RUVBL2: variants seen among roughly 807,000 people sequenced by gnomAD.
RUVBL2 encodes the protein RuvB like AAA ATPase 2, also known as ruvB-like 2.
RUVBL2 carries 9 observed loss-of-function variants against 57.9 expected under a neutral mutation model. That is an observed-to-expected ratio of 0.16 (90% confidence interval 0.09 to 0.27). RUVBL2 has a LOEUF of 0.27. Ranked by LOEUF, RUVBL2 falls within the 10% of genes least tolerant of loss-of-function variation. RUVBL2 has a pLI of 1.00. For synonymous variants in RUVBL2, 278 were observed against 264.6 expected, an observed-to-expected ratio of 1.05 and a Z score of -0.49; for missense variants, 456 against 669.6, an observed-to-expected ratio of 0.68 and a Z score of 3.52.
chr19:48,993,520 GGCCT>G, upstream of RUVBL2: 1 of 438,440 alleles, frequency 2.3e-6, no homozygotes, highest in Non-Finnish European at 4.3e-6. Context: ...GGAAACGAGT[GGCCT>G]TCAGCTCTGT....
Position 49,005,971 on chromosome 19 carries a change from G to A in RUVBL2, c.266-1047G>A, listed in dbSNP as rs563765652. Among the ~76,000 whole-genome samples the A allele has an allele frequency of 4.6e-4, 70 of 152,318 alleles. No homozygotes were observed. The South Asian group carries it at 6.2e-3, about 14-fold the overall frequency. ...GCATGTTGTGACTGTGCCCGGCCTC[G>A]CCTTTCCTCTTCTTGTGTCTCCCGC... On this transcript the variant is annotated intron_variant, in intron 4 of 14. Coordinates refer to ENST00000595090, the MANE Select transcript of RUVBL2 (RefSeq NM_006666.3).
At chr19:49,003,504 G>A (rs546660603) in intron 3 of RUVBL2, among the ~76,000 whole-genome samples, 170 bp downstream of exon 3, 1 of 152,300 alleles carries the variant, frequency 6.6e-6, no homozygotes, top group East Asian at 1.9e-4. Context: ...GAATTGATTA[G>A]GCTAGGTGTG....
At chr19:49,002,934 T>A (rs1600176251) in intron 2 of RUVBL2, among the ~76,000 whole-genome samples, 1 of 152,188 alleles carries the variant, frequency 6.6e-6, no homozygotes, top group East Asian at 1.9e-4. Context: ...ACTGAGAACA[T>A]GTGGGTGCTG....
intron 11 of RUVBL2, among the ~76,000 whole-genome samples, chr19:49,013,118 C>G (rs1270431465): frequency 1.3e-5 from 2 of 152,178 alleles, no homozygotes; most frequent in Non-Finnish European, 2.9e-5. Flanking sequence ...CACCCGCCAC[C>G]ATGCCCAGCT....
intron 6 of RUVBL2, among the ~76,000 whole-genome samples, chr19:49,008,476 C>T (rs951565409): frequency 1.3e-5 from 2 of 150,212 alleles, no homozygotes; most frequent in African/African-American, 2.4e-5. Flanking sequence ...GATCTGCCCG[C>T]CTCGGCCTCC....
At chr19:48,997,418 G>A (rs1478085660) in intron 1 of RUVBL2, among the ~76,000 whole-genome samples, 1 of 152,158 alleles carries the variant, frequency 6.6e-6, no homozygotes, top group Non-Finnish European at 1.5e-5. Flanking sequence ...GAGGTCAGGA[G>A]TTCAAGACCA....
At chr19:49,013,016 T>G (rs2039463587) in intron 11 of RUVBL2, among the ~76,000 whole-genome samples, 1 of 152,220 alleles carries the variant, frequency 6.6e-6, no homozygotes, top group South Asian at 2.1e-4. Flanking sequence ...CAGGCTGGAG[T>G]GCAGTGGCAC....
chr19:49,014,305 C>G (rs560405964), intron 11 of RUVBL2, among the ~76,000 whole-genome samples, 179 bp from the exon 12 acceptor site: 2 of 152,332 alleles, frequency 1.3e-5, no homozygotes, highest in Non-Finnish European at 2.9e-5. Context: ...GGGACTGACG[C>G]AGCTGTGGAA....
In RUVBL2 at chr19:49,011,950, T is replaced by C. The variant is rs957228694; in HGVS notation, c.1001+640T>C. Among the ~76,000 whole-genome samples, 2 of 152,130 alleles carry C rather than the reference T, an allele frequency of 1.3e-5. No homozygotes were observed. Among genetic ancestry groups the C allele is most frequent in the Non-Finnish European group, 2.9e-5 (2 of 68,016 alleles). ...AGGTGTTGCCAGCACCCTGTGTAGC[T>C]GGGATTACGGGCACCTGCCACCATG... On this transcript the variant is annotated intron_variant, in intron 11 of 14. Transcript: ENST00000595090. This position sits in a 1 kb window ranked among gnomAD's most constrained non-coding sequence, Gnocchi z 4.4.
intron 6 of RUVBL2, among the ~76,000 whole-genome samples, chr19:49,009,524 A>G (rs2039362812): frequency 6.6e-6 from 1 of 152,120 alleles, no homozygotes; most frequent in South Asian, 2.1e-4. Flanking sequence ...TAATTGACAT[A>G]CAGAAAGCTG....
At position 49,011,451 on chromosome 19, in the gene RUVBL2, C is replaced by A; in HGVS notation, c.1001+141C>A. ...GTGTGCGCTCTTTGCTTACAAAAGGCGGGTGGGAGGCAGCTCTGCTTCCCG... is the reference window on the plus strand; with the variant it reads ...GTGTGCGCTCTTTGCTTACAAAAGGAGGGTGGGAGGCAGCTCTGCTTCCCG... On this transcript the variant is annotated intron_variant, in intron 11 of 14. Coordinates refer to ENST00000595090, the MANE Select transcript of RUVBL2 (RefSeq NM_006666.3). This position sits in a 1 kb window ranked among gnomAD's most constrained non-coding sequence, Gnocchi z 4.4. 3.0e-6 allele frequency: 2 copies of A among 666,512 alleles called. No individual in the cohort carries two copies. The highest frequency in any genetic ancestry group is 2.6e-5 in the East Asian group (1 of 37,960). 41.3% of individuals were successfully genotyped at this position (666,512 alleles called of 1,614,324 possible).
At chr19:48,993,474 G>A (rs1600159570), upstream of RUVBL2, 12 of 427,866 alleles carry the variant, frequency 2.8e-5, no homozygotes, top group East Asian at 5.4e-4. Context: ...TCGGCCGTGA[G>A]ACCTCCAGGG....
rs758247978 is a variant in RUVBL2, at chr19:49,004,412, G to A, written c.259G>A (p.Ala87Thr). 17 of 1,611,930 alleles carry A rather than the reference G, an allele frequency of 1.1e-5. No individual in the cohort carries two copies. The highest frequency in any genetic ancestry group is 4.5e-5 in the East Asian group (2 of 44,886). Residue 87 changes from alanine to threonine, a missense_variant, in exon 4 of 15, where the codon GCC becomes ACC. Transcript: ENST00000595090. ...GQPGTGKTAI[A>T]MGMAQALGPD... is the part of the protein sequence containing the mutation. The stretch of plus-strand genomic sequence containing the variant: ...GCCGGGCACGGGGAAGACGGCCATC[G>A]CCATGGGTAAGAAACCTCCCAGGGC...
chr19:48,997,310 C>T (rs1266497893), intron 1 of RUVBL2, among the ~76,000 whole-genome samples: 2 of 152,040 alleles, frequency 1.3e-5, no homozygotes, highest in African/African-American at 4.8e-5. Flanking sequence ...AAAGTTCATC[C>T]ACGTTGTAGC....
chr19:48,999,894 C>T (rs139191877), intron 2 of RUVBL2, among the ~76,000 whole-genome samples: 6 of 152,284 alleles, frequency 3.9e-5, no homozygotes, highest in East Asian at 3.9e-4. Context: ...TCACTGGCCC[C>T]GGCTCACACA....
rs2039239140 is a variant in RUVBL2, at chr19:49,004,177, A to G, written c.124-100A>G. On this transcript the variant is annotated intron_variant, in intron 3 of 14. Coordinates refer to ENST00000595090, the MANE Select transcript of RUVBL2 (RefSeq NM_006666.3). ...TTTTTTGGCTTTTCCTAGAAGTCCC[A>G]GCTAGTAATGTCTGCTTCCATCTCA... The G allele has an allele frequency of 6.4e-6, 9 of 1,403,276 alleles. No homozygotes were observed. In the Admixed American group the frequency reaches 1.6e-4, roughly 25 times the overall value. 86.9% of individuals were successfully genotyped at this position (1,403,276 alleles called of 1,614,324 possible).
rs150903921 is a variant in RUVBL2, at chr19:48,997,521, C to T, written c.13-1798C>T. The stretch of plus-strand genomic sequence containing the variant: ...GCGGACACCTGTAATCCCAGCTACT[C>T]GGGAGGCTGAGGCAGAAGAATCACT... On this transcript the variant is annotated intron_variant, in intron 1 of 14. Transcript: ENST00000595090. 9.9e-5 allele frequency among the ~76,000 whole-genome samples: 15 copies of T among 151,030 alleles called. No homozygotes were observed. The East Asian group carries it at 1.8e-3, about 18-fold the overall frequency.
chr19:49,010,211 A>G (rs1356867683), intron 8 of RUVBL2, 145 bp downstream of exon 8: 1 of 822,366 alleles, frequency 1.2e-6, no homozygotes, highest in East Asian at 2.7e-5. Flanking sequence ...CTGTAACCCT[A>G]GGACAGCAGG....
rs748049682 is a variant in RUVBL2, at chr19:49,015,557, G to T, written c.1252-15G>T. ...CGGAGAGGGGCCCAACTGAGGACTCGCCCTCCCCCTCCAGGGTACAGAAGT... is the reference window on the plus strand; with the variant it reads ...CGGAGAGGGGCCCAACTGAGGACTCTCCCTCCCCCTCCAGGGTACAGAAGT... On this transcript the variant is annotated splice_polypyrimidine_tract_variant and intron_variant, in intron 13 of 14. Transcript: ENST00000595090. 1 of 1,598,566 alleles carries T rather than the reference G, an allele frequency of 6.3e-7. No homozygotes were observed. Among genetic ancestry groups the T allele is most frequent in the Non-Finnish European group, 8.6e-7 (1 of 1,166,256 alleles).
Sources: gnomAD v4.1 joint callset for allele counts (sites outside exome capture counted in the v4.1 genomes callset) on GRCh38, gnomAD v4.1.1 for gene constraint, Gnocchi (gnomAD v3.1) non-coding constraint, MANE v1.5 for transcripts, NCBI Gene and HGNC (gene_info 2026-07-23, HGNC 2026-07-21) for gene names.